Variants in FXYD5 observed in about 807,000 individuals in gnomAD.
FXYD5 encodes the protein FXYD domain-containing ion transport regulator 5.
Under a neutral mutation model 25.7 loss-of-function variants are expected in FXYD5, and 21 were observed. The observed-to-expected ratio is 0.82, with a 90% CI of 0.58 to 1.18. The LOEUF (loss-of-function observed/expected upper bound fraction) is 1.18, where lower values mean the gene tolerates loss of function less well. Ranked by LOEUF, FXYD5 falls within the 50% of genes most tolerant of loss-of-function variation. FXYD5 has a pLI of 0.00. For missense variants in FXYD5, 229 were observed against 227.7 expected, an observed-to-expected ratio of 1.01 and a Z score of -0.04; for synonymous variants, 101 against 90.7, an observed-to-expected ratio of 1.11 and a Z score of -0.64.
At chr19:35,163,716 A>G (rs887960040) in intron 5 of FXYD5, among the ~76,000 whole-genome samples, 1 of 152,090 alleles carries the variant, frequency 6.6e-6, no homozygotes, top group African/African-American at 2.4e-5. Flanking sequence ...TCTTGGCTTC[A>G]GGTGATCTGC....
At chr19:35,166,523 A>T in intron 8 of FXYD5, 198 bp downstream of exon 8, 4 of 489,066 alleles carry the variant, frequency 8.2e-6, no homozygotes, top group Non-Finnish European at 1.1e-5. Context: ...CAGTTTGGAA[A>T]CATAGGCTGG....
At position 35,169,766 on chromosome 19, in the gene FXYD5, C is replaced by A; in HGVS notation, c.*151C>A. 3.1e-6 allele frequency: 2 copies of A among 642,704 alleles called. No homozygotes were observed. The highest frequency in any genetic ancestry group is 5.6e-6 in the Non-Finnish European group (2 of 357,252). 39.8% of individuals were successfully genotyped at this position (642,704 alleles called of 1,614,324 possible). On this transcript the variant is annotated 3_prime_UTR_variant, in exon 9 of 9. Coordinates refer to ENST00000392219, the MANE Select transcript of FXYD5 (RefSeq NM_014164.6). Reference sequence around the variant, plus strand: ...GAAGCTGGAGCCAGGGCTGCCGGTCCGAGTCTCCTACCTCCCCCAACCCTG... The same window carrying A: ...GAAGCTGGAGCCAGGGCTGCCGGTCAGAGTCTCCTACCTCCCCCAACCCTG...
Position 35,164,180 on chromosome 19 carries a change from C to T in FXYD5, c.317C>T (p.Thr106Met), listed in dbSNP as rs368818836. The T allele has an allele frequency of 1.7e-4, 275 of 1,614,014 alleles. No individual in the cohort carries two copies. The highest frequency in any genetic ancestry group is 2.1e-4 in the Non-Finnish European group (245 of 1,180,030). The stretch of plus-strand genomic sequence containing the variant: ...GCTCATCCCACTGATGACACCACGA[C>T]GCTCTCTGAGAGACCATCCCCAAGC... Reference protein sequence around the residue: ...KAAHPTDDTTTLSERPSPSTD... With the variant: ...KAAHPTDDTTMLSERPSPSTD... The change falls in exon 6 of 9, where the codon ACG (threonine) becomes ATG (methionine). Residue 106 changes from threonine to methionine, a missense_variant. Coordinates refer to ENST00000392219, the MANE Select transcript of FXYD5 (RefSeq NM_014164.6).
intron 6 of FXYD5, 101 bp from the exon 7 acceptor site, chr19:35,166,041 C>G (rs538793907): frequency 4.5e-6 from 5 of 1,107,262 alleles, no homozygotes; most frequent in Non-Finnish European, 4.2e-6. Flanking sequence ...GGGTTTTGTT[C>G]TAAGGGTACC....
chr19:35,158,255 G>A (rs912349449), intron 3 of FXYD5, 89 bp from the exon 4 acceptor site: 14 of 824,858 alleles, frequency 1.7e-5, no homozygotes, highest in African/African-American at 1.2e-4. Context: ...GAGTTGCTAC[G>A]GGAATCTCTG....
chr19:35,159,806 G>A (rs1022246058), intron 4 of FXYD5: 3 of 813,126 alleles, frequency 3.7e-6, no homozygotes, highest in African/African-American at 1.8e-5. Flanking sequence ...CTCACAACAA[G>A]TCAGGGACGC....
intron 4 of FXYD5, chr19:35,159,523 T>C (rs1260179682): frequency 6.4e-7 from 1 of 1,550,616 alleles, no homozygotes; most frequent in Admixed American, 2.0e-5. Context: ...AAGGCGCCTA[T>C]ATCACAGCTT....
intron 1 of FXYD5, 41 bp from the exon 2 acceptor site, chr19:35,155,510 A>G (rs771111268): frequency 3.8e-6 from 6 of 1,564,746 alleles, no homozygotes; most frequent in Non-Finnish European, 5.3e-6. Flanking sequence ...GGTCGGTCTC[A>G]CTGACATCAT....
rs2065481601 is a variant in FXYD5 at position 35,169,668 on chromosome 19, C to G, written c.*53C>G. On this transcript the variant is annotated 3_prime_UTR_variant, in exon 9 of 9. Coordinates refer to ENST00000392219, the MANE Select transcript of FXYD5 (RefSeq NM_014164.6). ...TGCTGGGCACCCGAAGACCAAGCCC[C>G]CTGCCAGCTCACCGTGCCCAGCCTC... is the stretch of plus-strand genomic sequence containing the variant. 8.4e-7 allele frequency: 1 copy of G among 1,186,050 alleles called. No individual in the cohort carries two copies. Among genetic ancestry groups the G allele is most frequent in the East Asian group, 2.3e-5 (1 of 43,024 alleles). 73.5% of individuals were successfully genotyped at this position (1,186,050 alleles called of 1,614,324 possible).
At chr19:35,161,247 CAA>C (rs112772109) in intron 5 of FXYD5, among the ~76,000 whole-genome samples, 4 of 126,804 alleles carry the variant, frequency 3.2e-5, no homozygotes, top group Non-Finnish European at 5.0e-5. Flanking sequence ...CACACACACA[CAA>C]AAGAATGATT....
intron 1 of FXYD5, 48 bp from the exon 2 acceptor site, chr19:35,155,503 C>T (rs2065345090): frequency 2.7e-6 from 4 of 1,498,732 alleles, no homozygotes; most frequent in Non-Finnish European, 3.7e-6. Flanking sequence ...TGCCGGAGGT[C>T]GGTCTCACTG....
At chr19:35,166,902 A>G (rs2145429984) in intron 8 of FXYD5, 1 of 152,998 alleles carries the variant, frequency 6.5e-6, no homozygotes, top group African/African-American at 2.4e-5. Context: ...GGCGGTCAGC[A>G]TACCACCCCA....
chr19:35,158,353 A>G lies in FXYD5; in HGVS notation c.152A>G (p.Tyr51Cys). ...QVPTRAPDAV[Y>C]TELQPTSPTP... ...TGTTTCTGGACTCCAGATGCAGTCT[A>G]CACAGAACTCCAGCCCACCTCTCCA... Residue 51 changes from tyrosine to cysteine, a missense_variant, in exon 4 of 9, where the codon TAC becomes TGC. Tyr to Cys is a radical substitution (Grantham distance 194, BLOSUM62 -2). Coordinates refer to ENST00000392219, the MANE Select transcript of FXYD5 (RefSeq NM_014164.6). 1 of 1,607,092 alleles carries G rather than the reference A, an allele frequency of 6.2e-7. No individual in the cohort carries two copies. Among genetic ancestry groups the G allele is most frequent in the East Asian group, 2.2e-5 (1 of 44,846 alleles).
At chr19:35,155,769 C>T (rs988199830) in intron 2 of FXYD5, among the ~76,000 whole-genome samples, 158 bp downstream of exon 2, 9 of 152,198 alleles carry the variant, frequency 5.9e-5, no homozygotes, top group South Asian at 2.1e-4. Flanking sequence ...TATGGCGGGG[C>T]GACGTTACAC....
At chr19:35,161,702 G>A (rs1400432551) in intron 5 of FXYD5, among the ~76,000 whole-genome samples, 5 of 152,294 alleles carry the variant, frequency 3.3e-5, no homozygotes, top group Middle Eastern at 3.4e-3. Context: ...ATTACCAGAA[G>A]GTGTGGGAAA....
rs191568301 is a variant in FXYD5 at position 35,162,637 on chromosome 19, A to G, written c.293-1519A>G. 2.2e-4 allele frequency among the ~76,000 whole-genome samples: 34 copies of G among 152,154 alleles called. 1 individual carries two copies. In the East Asian group the frequency reaches 5.4e-3, roughly 24 times the overall value. On this transcript the variant is annotated intron_variant, in intron 5 of 8. Transcript: ENST00000392219. ...ATGAGGGCCCCACCCTCATGATCCT[A>G]TCTAACCCTAATTACCTCCCAAAGG...
rs898778045 is a variant in FXYD5, at chr19:35,160,598, G to T, written c.200-111G>T. 12 of 726,954 alleles carry T rather than the reference G, an allele frequency of 1.7e-5. No individual in the cohort carries two copies. The South Asian group carries it at 1.8e-4, about 11-fold the overall frequency. The allele number at this position is 726,954 out of a possible 1,614,324, so 45.0% of individuals were successfully genotyped here. A position where few individuals can be genotyped will look rare whatever the true frequency, so the allele number is the denominator to read the frequency against. ...CGACCTAAGGTAATCTGCCCGCCTCGGCCTCCCAAAGTGCTGGGAATACAG... is the reference window on the plus strand; with the variant it reads ...CGACCTAAGGTAATCTGCCCGCCTCTGCCTCCCAAAGTGCTGGGAATACAG... On this transcript the variant is annotated intron_variant, in intron 4 of 8. Transcript: ENST00000392219.
intron 4 of FXYD5, 22 bp downstream of exon 4, chr19:35,158,422 G>T (rs891800872): frequency 2.1e-6 from 3 of 1,424,106 alleles, no homozygotes; most frequent in African/African-American, 2.8e-5. Context: ...AGGGGCAGGC[G>T]GCGGGGACAG....
At chr19:35,159,405 A>T in intron 4 of FXYD5, 1 of 1,445,224 alleles carries the variant, frequency 6.9e-7, no homozygotes, top group East Asian at 2.5e-5. Flanking sequence ...AGACCTTATG[A>T]TTGTTCTGCA....
Sources: allele counts gnomAD v4.1 joint callset (sites outside exome capture counted in the v4.1 genomes callset), GRCh38; gene constraint gnomAD v4.1.1; transcripts MANE v1.5; gene names NCBI Gene and HGNC (gene_info 2026-07-23, HGNC 2026-07-21).